MCF2L2: variants seen among roughly 807,000 people sequenced by gnomAD.
MCF2L2 encodes the protein MCF.2 cell line derived transforming sequence-like 2.
In MCF2L2, 102 loss-of-function variants were observed where a neutral mutation model predicts 150.2. That is an observed-to-expected ratio of 0.68 (90% confidence interval 0.58 to 0.80). The LOEUF (loss-of-function observed/expected upper bound fraction) is 0.80. Among genes scored for constraint, MCF2L2 ranks in the 30% least tolerant of loss-of-function variants. The pLI is 0.00. For synonymous variants in MCF2L2, 465 were observed against 491.3 expected (o/e 0.95, Z 0.71); for missense variants, 1,256 against 1,372.8 (o/e 0.91, Z 1.34).
In MCF2L2 at chr3:183,206,187, C is replaced by T. The variant is rs750983684; in HGVS notation, c.2740G>A (p.Gly914Arg). ...KLMTLSIRQL[G>R]RGSHRKFEIA... ...TCAAACTTTCTATGGCTCCCCCTTC[C>T]AAGCTGGCGAATTGAAAGTGTCATC... The change falls in exon 24 of 30, where the codon GGA becomes AGA. Residue 914 changes from glycine to arginine, a missense_variant. By Grantham distance (125) the Gly-to-Arg change is moderately radical. Coordinates refer to ENST00000328913, the MANE Select transcript of MCF2L2 (RefSeq NM_015078.4). The T allele has an allele frequency of 8.7e-6, 14 of 1,613,980 alleles. No homozygotes were observed. The Admixed American group carries it at 1.0e-4, about 12-fold the overall frequency.
At chr3:183,399,831 C>A (rs1023757102) in intron 1 of MCF2L2, among the ~76,000 whole-genome samples, 5 of 152,184 alleles carry the variant, frequency 3.3e-5, no homozygotes, top group African/African-American at 1.2e-4. Context: ...GCTGCAAGTA[C>A]AATCTGATTC....
Position 183,323,320 on chromosome 3 carries a change from T to G in MCF2L2, c.518A>C (p.His173Pro). 6.2e-7 allele frequency: 1 copy of G among 1,613,672 alleles called. No homozygotes were observed. The highest frequency in any genetic ancestry group is 8.5e-7 in the Non-Finnish European group (1 of 1,179,670). The change falls in exon 6 of 30, where the codon CAC becomes CCC. Residue 173 changes from histidine (H) to proline (P), a missense_variant. Coordinates refer to ENST00000328913, the MANE Select transcript of MCF2L2 (RefSeq NM_015078.4). ...IIMVNSVSDLHGYIDKSQLTR... is the reference protein window; with the variant it reads ...IIMVNSVSDLPGYIDKSQLTR... The stretch of plus-strand genomic sequence containing the variant: ...CAGTTGGCTTTTGTCGATGTAGCCG[T>G]GAAGGTCAGAGACAGAGTTTACCAT...
At chr3:183,242,408 C>G (rs1407912799) in intron 15 of MCF2L2, among the ~76,000 whole-genome samples, 1 of 152,222 alleles carries the variant, frequency 6.6e-6, no homozygotes, top group East Asian at 1.9e-4. Flanking sequence ...TTTGTGGGCC[C>G]AGCCCGGGGA....
At position 183,181,675 on chromosome 3, in the gene MCF2L2, G is replaced by C. The variant is rs1489228595; in HGVS notation, c.3017-1516C>G. Reference sequence around the variant, plus strand: ...TGTGATGGAGGGATAGAGGGACAGAGGGAGCCATGCCCTTGACCATCCCCT... The same window carrying C: ...TGTGATGGAGGGATAGAGGGACAGACGGAGCCATGCCCTTGACCATCCCCT... On this transcript the variant is annotated intron_variant, in intron 27 of 29. Coordinates refer to ENST00000328913, the MANE Select transcript of MCF2L2 (RefSeq NM_015078.4). This position sits in a 1 kb window ranked among gnomAD's most constrained non-coding sequence, Gnocchi z 4.3. Among the ~76,000 whole-genome samples, 1 of 152,168 alleles carries C rather than the reference G, an allele frequency of 6.6e-6. No homozygotes were observed. The highest frequency in any genetic ancestry group is 2.4e-5 in the African/African-American group (1 of 41,426).
intron 3 of MCF2L2, among the ~76,000 whole-genome samples, chr3:183,346,071 G>A (rs932849831): frequency 6.6e-6 from 1 of 152,166 alleles, no homozygotes; most frequent in African/African-American, 2.4e-5. Flanking sequence ...CTCATTTTAT[G>A]AGGCCAGCAT....
rs1402643836 is a variant in MCF2L2, at chr3:183,227,065, AG to A, written c.2115+1231del. On this transcript the variant is annotated intron_variant, in intron 18 of 29. Transcript: ENST00000328913. The surrounding 1 kb of genome is among the most constrained non-coding windows in gnomAD (Gnocchi z 4.0). Reference sequence around the variant, plus strand: ...TATCATAAGTATTGCTCTCAGCCTCAGTCATAATATGAGTTGCTTACAACTT... The same window carrying A: ...TATCATAAGTATTGCTCTCAGCCTCATCATAATATGAGTTGCTTACAACTT... 6.6e-6 allele frequency: 1 copy of A among 152,198 alleles called. No individual in the cohort carries two copies. The highest frequency in any genetic ancestry group is 2.4e-5 in the African/African-American group (1 of 41,450). The allele number at this position is 152,198 out of a possible 1,614,324, so 9.4% of individuals were successfully genotyped here.
chr3:183,299,878 C>T (rs1442097129), intron 11 of MCF2L2, 127 bp downstream of exon 11: 9 of 1,054,618 alleles, frequency 8.5e-6, no homozygotes, highest in South Asian at 3.1e-5. Context: ...TAATGCCTCT[C>T]GAACATCTTT....
In MCF2L2 at chr3:183,427,992, A is replaced by G; in HGVS notation, c.-15T>C. On this transcript the variant is annotated 5_prime_UTR_variant, in exon 1 of 30. The change abolishes an upstream ATG in the 5' untranslated region. Coordinates refer to ENST00000328913, the MANE Select transcript of MCF2L2 (RefSeq NM_015078.4). Reference sequence around the variant, plus strand: ...CAAGACAGCATTTCACTGAAAAACCATTCCGTATAAATAAAGCCAAACAAA... The same window carrying G: ...CAAGACAGCATTTCACTGAAAAACCGTTCCGTATAAATAAAGCCAAACAAA... 2 of 1,603,822 alleles carry G rather than the reference A, an allele frequency of 1.2e-6. No individual in the cohort carries two copies. The highest frequency in any genetic ancestry group is 1.7e-6 in the Non-Finnish European group (2 of 1,170,820).
At chr3:183,234,164 A>G (rs1392669794) in intron 15 of MCF2L2, among the ~76,000 whole-genome samples, 1 of 152,170 alleles carries the variant, frequency 6.6e-6, no homozygotes, top group Non-Finnish European at 1.5e-5. Context: ...GTGGGACCAC[A>G]GCAACAGTTA....
At position 183,291,313 on chromosome 3, in the gene MCF2L2, C is replaced by A. The variant is rs574969102; in HGVS notation, c.1676-2093G>T. 3.9e-5 allele frequency among the ~76,000 whole-genome samples: 6 copies of A among 152,314 alleles called. No individual in the cohort carries two copies. In the East Asian group the frequency reaches 9.6e-4, roughly 24 times the overall value. ...AAACCTTGCTCTTCCATGCACGAGA[C>A]AAACATGATTACAGTCACCTCTGTA... On this transcript the variant is annotated intron_variant, in intron 13 of 29. Transcript: ENST00000328913.
chr3:183,318,802 T>C (rs1454091420), intron 6 of MCF2L2, among the ~76,000 whole-genome samples: 1 of 152,152 alleles, frequency 6.6e-6, no homozygotes, highest in African/African-American at 2.4e-5. Context: ...GCAATAGCAT[T>C]ATGTCAAAAA....
At chr3:183,220,531 C>A (rs1248673970) in intron 20 of MCF2L2, among the ~76,000 whole-genome samples, 1 of 152,038 alleles carries the variant, frequency 6.6e-6, no homozygotes. Context: ...ATGATAATAA[C>A]TTTTGTGCAT....
At chr3:183,414,514 T>G (rs1715484751) in intron 1 of MCF2L2, among the ~76,000 whole-genome samples, 1 of 152,226 alleles carries the variant, frequency 6.6e-6, no homozygotes, top group Non-Finnish European at 1.5e-5. Flanking sequence ...AATCAACTTC[T>G]GATTTTGTTG....
intron 5 of MCF2L2, among the ~76,000 whole-genome samples, chr3:183,330,976 C>T (rs1157475709): frequency 1.3e-5 from 2 of 152,074 alleles, no homozygotes; most frequent in African/African-American, 4.8e-5. Context: ...ACTGCCCCGC[C>T]ACCCCCACCC....
chr3:183,382,077 TA>T (rs955995535), intron 2 of MCF2L2, among the ~76,000 whole-genome samples: 8 of 151,856 alleles, frequency 5.3e-5, no homozygotes, highest in African/African-American at 1.9e-4. Context: ...TTATTATTAT[TA>T]GATGGAATCT....
At chr3:183,343,344 A>G (rs928179753) in intron 3 of MCF2L2, among the ~76,000 whole-genome samples, 5 of 151,956 alleles carry the variant, frequency 3.3e-5, no homozygotes, top group African/African-American at 1.2e-4. Context: ...ATGAATCTGA[A>G]GGGAAATAAT....
At chr3:183,313,537 T>G (rs1729472258) in intron 7 of MCF2L2, among the ~76,000 whole-genome samples, 1 of 152,016 alleles carries the variant, frequency 6.6e-6, no homozygotes, top group Non-Finnish European at 1.5e-5. Flanking sequence ...TCAACTTGAG[T>G]AGGGTTACAA....
At chr3:183,268,007 T>C (rs1432925627) in intron 15 of MCF2L2, among the ~76,000 whole-genome samples, 1 of 152,158 alleles carries the variant, frequency 6.6e-6, no homozygotes, top group Non-Finnish European at 1.5e-5. Context: ...GTATGGGGTA[T>C]AAGAAGGTGC....
chr3:183,209,526 T>C (rs1336172143), intron 22 of MCF2L2, among the ~76,000 whole-genome samples: 1 of 152,192 alleles, frequency 6.6e-6, no homozygotes, highest in East Asian at 1.9e-4. Flanking sequence ...TCTTACTCTG[T>C]TGCCAAGGCT....
Sources: gnomAD v4.1 joint callset for allele counts (sites outside exome capture counted in the v4.1 genomes callset) on GRCh38, gnomAD v4.1.1 for gene constraint, Gnocchi (gnomAD v3.1) non-coding constraint, MANE v1.5 for transcripts, NCBI Gene and HGNC (gene_info 2026-07-23, HGNC 2026-07-21) for gene names.